The following COPE variants were observed in gnomAD, a reference collection of about 807,000 sequenced individuals.
COPE encodes the protein coat protein complex I subunit epsilon, also known as coatomer subunit epsilon.
In COPE, 19 loss-of-function variants were observed where a neutral mutation model predicts 42.1. The observed-to-expected ratio is 0.45, with a 90% confidence interval of 0.31 to 0.66. COPE has a LOEUF of 0.66. Ranked by LOEUF, COPE falls within the 30% of genes least tolerant of loss-of-function variation. The pLI, the probability that COPE is intolerant of heterozygous loss-of-function variation, is 0.05. For missense variants in COPE, 402 were observed against 416.1 expected, an observed-to-expected ratio of 0.97 and a Z score of 0.30; for synonymous variants, 195 against 181.3, an observed-to-expected ratio of 1.08 and a Z score of -0.60.
intron 1 of COPE, among the ~76,000 whole-genome samples, chr19:18,918,336 ACT>A (rs1462791953): frequency 1.3e-5 from 2 of 150,456 alleles, no homozygotes; most frequent in Non-Finnish European, 3.0e-5. Context: ...ATCCTTAAAA[ACT>A]CTTAGTCTGT....
intron 5 of COPE, among the ~76,000 whole-genome samples, chr19:18,905,239 C>T (rs775586382): frequency 2.6e-5 from 4 of 152,192 alleles, no homozygotes; most frequent in Admixed American, 1.3e-4. Context: ...GGTGATGCCA[C>T]GTGCAGGCCC....
chr19:18,903,479 G>T, intron 6 of COPE, 56 bp from the exon 7 acceptor site: 1 of 1,538,862 alleles, frequency 6.5e-7, no homozygotes, highest in Non-Finnish European at 8.8e-7. Context: ...CCCTTCCCCC[G>T]CCAGCCCCCT....
Position 18,902,825 on chromosome 19 carries a change from G to GAAAGAAAAGAAAAGAAAAGAAAAGAA in COPE, c.735+442_735+443insTTCTTTTCTTTTCTTTTCTTTTCTTT, listed in dbSNP as rs373721731. ...GGAAGGAAGGAAGGAAGGAAGGAAG[G>GAAAGAAAAGAAAAGAAAAGAAAAGAA]AAGAAAAGACTGCAGACATCAGGCA... On this transcript the variant is annotated intron_variant, in intron 7 of 9. Transcript: ENST00000262812. Among the ~76,000 whole-genome samples the GAAAGAAAAGAAAAGAAAAGAAAAGAA allele has an allele frequency of 1.4e-4, 4 of 28,634 alleles. 1 individual carries two copies. Among genetic ancestry groups the GAAAGAAAAGAAAAGAAAAGAAAAGAA allele is most frequent in the African/African-American group, 1.2e-3 (4 of 3,346 alleles). 18.8% of individuals were successfully genotyped at this position (28,634 alleles called of 152,430 possible). A position where few individuals can be genotyped will look rare whatever the true frequency, so the allele number is the denominator to read the frequency against.
chr19:18,908,540 G>A (rs1222653397), intron 3 of COPE, among the ~76,000 whole-genome samples: 1 of 142,748 alleles, frequency 7.0e-6, no homozygotes, highest in African/African-American at 2.7e-5. Context: ...TTTTTGAGAC[G>A]GAGTCTCGCA....
intron 2 of COPE, 25 bp from the exon 3 acceptor site, chr19:18,911,096 T>A: frequency 1.3e-6 from 2 of 1,594,770 alleles, no homozygotes; most frequent in Non-Finnish European, 1.7e-6. Context: ...AGGCGTCAGC[T>A]GCACCCGTCC....
chr19:18,906,488 C>A (rs2056760302), intron 4 of COPE: 1 of 161,904 alleles, frequency 6.2e-6, no homozygotes, highest in African/African-American at 2.4e-5. Context: ...AGAACTGACA[C>A]ACTTTCTGTG....
At chr19:18,910,928 G>A (rs2056803469) in intron 3 of COPE, 43 bp downstream of exon 3, 1 of 1,561,536 alleles carries the variant, frequency 6.4e-7, no homozygotes, top group Non-Finnish European at 8.8e-7. Context: ...AGGCCTTGAA[G>A]ATGGCCCCGC....
chr19:18,903,175 G>C, intron 7 of COPE, 93 bp downstream of exon 7: 2 of 1,335,396 alleles, frequency 1.5e-6, no homozygotes, highest in Non-Finnish European at 2.0e-6. Flanking sequence ...CACCCAGGGG[G>C]TCTCTGCTAC....
chr19:18,913,072 C>A, intron 1 of COPE, 26 bp from the exon 2 acceptor site: 1 of 1,603,116 alleles, frequency 6.2e-7, no homozygotes, highest in Non-Finnish European at 8.5e-7. Context: ...TGAGTCAGGA[C>A]GCACAGTGGG....
chr19:18,916,660 C>T (rs1390396444), intron 1 of COPE, among the ~76,000 whole-genome samples: 3 of 151,824 alleles, frequency 2.0e-5, no homozygotes, highest in East Asian at 1.9e-4. Context: ...TGGTGGCACA[C>T]GCCTGTAGTC....
intron 1 of COPE, 69 bp downstream of exon 1, chr19:18,919,154 G>A: frequency 1.7e-5 from 26 of 1,527,392 alleles, no homozygotes; most frequent in Non-Finnish European, 2.3e-5. Flanking sequence ...CGCAGAACGC[G>A]GCTCGCGGCC....
intron 1 of COPE, among the ~76,000 whole-genome samples, chr19:18,914,670 C>T (rs908551701): frequency 6.6e-6 from 1 of 151,966 alleles, no homozygotes; most frequent in African/African-American, 2.4e-5. Context: ...ACCTGTAAAC[C>T]CAGTGCTTTG....
chr19:18,909,259 A>C (rs2056788971), intron 3 of COPE, among the ~76,000 whole-genome samples: 1 of 152,212 alleles, frequency 6.6e-6, no homozygotes, highest in South Asian at 2.1e-4. Context: ...CACCTGTCTC[A>C]ATGTCCTGGA....
At chr19:18,917,241 C>CTTTTTT (rs531312180) in intron 1 of COPE, among the ~76,000 whole-genome samples, 8 of 110,662 alleles carry the variant, frequency 7.2e-5, no homozygotes, top group Admixed American at 2.0e-4. Flanking sequence ...TTCTTTTTTT[C>CTTTTTT]TTTTTTTTTT....
intron 1 of COPE, among the ~76,000 whole-genome samples, chr19:18,916,888 G>A (rs1376696492): frequency 1.3e-5 from 2 of 149,106 alleles, no homozygotes; most frequent in East Asian, 2.0e-4. Context: ...TTGAACCCAG[G>A]AGGAGGAGGA....
chr19:18,907,478 A>C (rs1041678495), intron 3 of COPE, among the ~76,000 whole-genome samples: 3 of 152,182 alleles, frequency 2.0e-5, no homozygotes, highest in African/African-American at 7.2e-5. Context: ...CACGTCTTCT[A>C]GCAGGAGGTC....
At chr19:18,911,517 G>A (rs1021126570) in intron 2 of COPE, 3 of 183,328 alleles carry the variant, frequency 1.6e-5, no homozygotes, top group Admixed American at 5.3e-5. Context: ...CTGGGGGCCC[G>A]TCCCTCATTG....
chr19:18,909,342 C>T (rs1011717893), intron 3 of COPE, among the ~76,000 whole-genome samples: 2 of 152,162 alleles, frequency 1.3e-5, no homozygotes, highest in African/African-American at 4.8e-5. Context: ...CTCTGGAGGC[C>T]GTAAGTCTGA....
Position 18,899,521 on chromosome 19 carries a change from G to T in COPE, c.*158C>A. 1 of 690,292 alleles carries T rather than the reference G, an allele frequency of 1.4e-6. No individual in the cohort carries two copies. The highest frequency in any genetic ancestry group is 2.5e-6 in the Non-Finnish European group (1 of 403,452). 42.8% of individuals were successfully genotyped at this position (690,292 alleles called of 1,614,324 possible). A position where few individuals can be genotyped will look rare whatever the true frequency, so the allele number is the denominator to read the frequency against. On this transcript the variant is annotated 3_prime_UTR_variant, in exon 10 of 10. Coordinates refer to ENST00000262812, the MANE Select transcript of COPE (RefSeq NM_007263.4). ...AGTGACCAGAGCACATCATCAGGTGGAACACCCTGGAGTTGAGATATTTAT... is the reference window on the plus strand; with the variant it reads ...AGTGACCAGAGCACATCATCAGGTGTAACACCCTGGAGTTGAGATATTTAT...
Sources: gnomAD v4.1 joint callset for allele counts (sites outside exome capture counted in the v4.1 genomes callset) on GRCh38, gnomAD v4.1.1 for gene constraint, MANE v1.5 for transcripts, NCBI Gene and HGNC (gene_info 2026-07-23, HGNC 2026-07-21) for gene names.